Variants in PCGF5 observed in about 807,000 individuals in gnomAD.
PCGF5 encodes polycomb group ring finger 5.
Under a neutral mutation model 44.3 loss-of-function variants are expected in PCGF5, and 9 were observed. The ratio of observed to expected loss-of-function variants is 0.20; its 90% confidence interval spans 0.12 to 0.35. The LOEUF (loss-of-function observed/expected upper bound fraction) is 0.35. PCGF5 is among the 10% of genes least tolerant of loss of function. The pLI is 1.00. For missense variants in PCGF5, 146 were observed against 305.3 expected (o/e 0.48, Z 3.89); for synonymous variants, 95 against 102.5 (o/e 0.93, Z 0.44).
intron 1 of PCGF5, among the ~76,000 whole-genome samples, chr10:91,168,338 A>G (rs901617075): frequency 6.6e-6 from 1 of 152,160 alleles, no homozygotes; most frequent in Non-Finnish European, 1.5e-5. Context: ...TTGGGCAAAG[A>G]AAGATAAGGA....
intron 1 of PCGF5, among the ~76,000 whole-genome samples, chr10:91,181,582 T>C (rs1224239048): frequency 6.6e-6 from 1 of 152,244 alleles, no homozygotes; most frequent in Admixed American, 6.5e-5. Flanking sequence ...ATGTTGAATT[T>C]TATTGAAAGC....
At chr10:91,237,198 A>T (rs1162086025) in intron 2 of PCGF5, among the ~76,000 whole-genome samples, 2 of 152,230 alleles carry the variant, frequency 1.3e-5, no homozygotes, top group South Asian at 4.1e-4. Flanking sequence ...TATTGAATTA[A>T]ATATATGTTG....
At chr10:91,219,809 G>C (rs1285763163), upstream of PCGF5, among the ~76,000 whole-genome samples, 3 of 152,122 alleles carry the variant, frequency 2.0e-5, no homozygotes, top group Non-Finnish European at 4.4e-5. Context: ...AATTTGAAAT[G>C]GATCTTTGAA....
In PCGF5 at chr10:91,282,446, T is replaced by C. The variant is rs1846477134; in HGVS notation, c.*4130T>C. The C allele has an allele frequency of 2.0e-5, 3 of 152,670 alleles. No homozygotes were observed. Among genetic ancestry groups the C allele is most frequent in the Non-Finnish European group, 4.4e-5 (3 of 68,080 alleles). 9.5% of individuals were successfully genotyped at this position (152,670 alleles called of 1,614,324 possible). ...TTGCAGTGAGCCGCAATTACACCAC[T>C]GCACTCCAGCCTGGGTGACACAGCG... is the stretch of plus-strand genomic sequence containing the variant. On this transcript the variant is annotated 3_prime_UTR_variant, in exon 10 of 10. Coordinates refer to ENST00000336126, the MANE Select transcript of PCGF5 (RefSeq NM_032373.5).
chr10:91,261,170 C>T (rs1358455694), intron 6 of PCGF5, among the ~76,000 whole-genome samples, 156 bp from the exon 7 acceptor site: 4 of 151,798 alleles, frequency 2.6e-5, no homozygotes, highest in African/African-American at 7.3e-5. Flanking sequence ...TATTTTTACT[C>T]GCAAATACTA....
At chr10:91,232,032 T>G (rs907933231) in intron 2 of PCGF5, among the ~76,000 whole-genome samples, 18 of 152,098 alleles carry the variant, frequency 1.2e-4, no homozygotes, top group Admixed American at 1.2e-3. Flanking sequence ...CAATGAAAGT[T>G]TGAAGGGAGG....
chr10:91,216,213 CTG>C (rs889187914), upstream of PCGF5, among the ~76,000 whole-genome samples: 2 of 152,112 alleles, frequency 1.3e-5, no homozygotes, highest in African/African-American at 4.8e-5. Flanking sequence ...TGAATATGGT[CTG>C]TGTGTATACA....
intron 1 of PCGF5, among the ~76,000 whole-genome samples, chr10:91,192,870 C>T (rs902065297): frequency 6.6e-6 from 1 of 152,140 alleles, no homozygotes; most frequent in African/African-American, 2.4e-5. Context: ...AGTCCATACC[C>T]TAATCCTTGG....
chr10:91,165,121 C>T (rs959291241), intron 1 of PCGF5, among the ~76,000 whole-genome samples: 2 of 152,140 alleles, frequency 1.3e-5, no homozygotes, highest in Non-Finnish European at 2.9e-5. Context: ...CAAGTTGGTG[C>T]AGTTCTAATT....
chr10:91,165,648 C>G (rs1843486671), intron 1 of PCGF5, among the ~76,000 whole-genome samples: 1 of 152,098 alleles, frequency 6.6e-6, no homozygotes, highest in Non-Finnish European at 1.5e-5. Context: ...CTGCAGAGGC[C>G]TTAACTCTGA....
rs1158401088 is a variant in PCGF5 at position 91,261,487 on chromosome 10, CAA to C, written c.573+66_573+67del. ...ATTCTGATTTGAAGTAAAATTCTAA[CAA>C]AAGTGAAAACTGAGAATATATTCAA... On this transcript the variant is annotated intron_variant, in intron 7 of 9. Coordinates refer to ENST00000336126, the MANE Select transcript of PCGF5 (RefSeq NM_032373.5). The C allele has an allele frequency of 8.2e-6, 11 of 1,334,652 alleles. No individual in the cohort carries two copies. In the East Asian group the frequency reaches 2.4e-4, roughly 29 times the overall value. The allele number at this position is 1,334,652 out of a possible 1,614,324, so 82.7% of individuals were successfully genotyped here.
intron 7 of PCGF5, among the ~76,000 whole-genome samples, chr10:91,263,735 A>T (rs1002369249): frequency 2.6e-5 from 4 of 152,210 alleles, no homozygotes; most frequent in Admixed American, 2.6e-4. Flanking sequence ...CTTAACGCTG[A>T]TAAGTATGCT....
chr10:91,226,289 T>TTA (rs371580963), intron 2 of PCGF5, among the ~76,000 whole-genome samples: 1 of 75,144 alleles, frequency 1.3e-5, no homozygotes, highest in Non-Finnish European at 2.4e-5. Flanking sequence ...TTAAGAAATG[T>TTA]AAAAAAAAAA....
chr10:91,208,005 A>G (rs1482027361), intron 1 of PCGF5, among the ~76,000 whole-genome samples: 2 of 152,182 alleles, frequency 1.3e-5, no homozygotes, highest in Non-Finnish European at 2.9e-5. Context: ...TATAGTATCA[A>G]TTTTAATTAC....
chr10:91,257,038 G>A (rs1414794217), intron 6 of PCGF5, among the ~76,000 whole-genome samples: 2 of 152,002 alleles, frequency 1.3e-5, no homozygotes, highest in South Asian at 2.1e-4. Context: ...TTACAGAACG[G>A]GAAAAAATAT....
Position 91,194,859 on chromosome 10 carries a change from A to G in PCGF5, c.-183-27830A>G, listed in dbSNP as rs1214946984. Among the ~76,000 whole-genome samples the G allele has an allele frequency of 2.0e-5, 3 of 152,346 alleles. No individual in the cohort carries two copies. In the East Asian group the frequency reaches 5.8e-4, roughly 29 times the overall value. ...TGTGTGCTAATGAGAGCTGTCCCTC[A>G]GAGACCAAAAGTTGATGATATAAGG... On this transcript the variant is annotated intron_variant, in intron 1 of 9. Transcript: ENST00000614189.
chr10:91,224,492 C>T (rs1844763620), intron 2 of PCGF5, among the ~76,000 whole-genome samples: 1 of 146,700 alleles, frequency 6.8e-6, no homozygotes, highest in South Asian at 2.1e-4. Context: ...AGTAGGAAAA[C>T]TAATTTTAAA....
At chr10:91,256,322 T>C (rs971281899) in intron 6 of PCGF5, among the ~76,000 whole-genome samples, 2 of 152,018 alleles carry the variant, frequency 1.3e-5, no homozygotes, top group African/African-American at 2.4e-5. Context: ...CTGGTGAGGC[T>C]CAACAGCAGA....
intron 8 of PCGF5, among the ~76,000 whole-genome samples, chr10:91,270,947 T>G (rs1431063502): frequency 2.0e-5 from 3 of 152,058 alleles, no homozygotes; most frequent in African/African-American, 7.2e-5. Context: ...GTGAATAAAC[T>G]GTTTTAAAGT....
Sources: gnomAD v4.1 joint callset for allele counts (sites outside exome capture counted in the v4.1 genomes callset) on GRCh38, gnomAD v4.1.1 for gene constraint, MANE v1.5 for transcripts, NCBI Gene and HGNC (gene_info 2026-07-23, HGNC 2026-07-21) for gene names.